The following ARHGAP45 variants were observed in gnomAD, a reference collection of about 807,000 sequenced individuals.
ARHGAP45 encodes the protein rho GTPase-activating protein 45.
In ARHGAP45, 56 loss-of-function variants were observed where a neutral mutation model predicts 116.1. That is an observed-to-expected ratio of 0.48 (90% confidence interval 0.39 to 0.60). ARHGAP45 has a LOEUF of 0.60. Among genes scored for constraint, ARHGAP45 ranks in the 20% least tolerant of loss-of-function variants. ARHGAP45 has a pLI of 0.00. For synonymous variants in ARHGAP45, 866 were observed against 701.7 expected, an observed-to-expected ratio of 1.23 and a Z score of -3.70; for missense variants, 1,622 against 1,601.0, an observed-to-expected ratio of 1.01 and a Z score of -0.22.
chr19:1,077,984 G>A lies in ARHGAP45; in HGVS notation c.1313G>A (p.Gly438Asp). 2 of 1,554,560 alleles carry A rather than the reference G, an allele frequency of 1.3e-6. No individual in the cohort carries two copies. Among genetic ancestry groups the A allele is most frequent in the Non-Finnish European group, 1.7e-6 (2 of 1,148,532 alleles). The change falls in exon 11 of 23, where the codon GGC (glycine) becomes GAC (aspartate). Residue 438 changes from glycine to aspartate, a missense_variant. Physicochemically the swap from Gly to Asp is moderately conservative, Grantham distance 94. This residue lies in a region of ARHGAP45 where 1,334 missense variants were observed against 1,263.8 expected (regional missense o/e 1.06). Transcript: ENST00000313093. ...EEQAGSAPGA[G>D]STATKTLDKR... The stretch of plus-strand genomic sequence containing the variant: ...CAGGCTGGCAGCGCGCCGGGAGCAG[G>A]CAGCACGGCCACCAAGACCCTGGAC...
chr19:1,085,488 C>G (rs1351456543), intron 22 of ARHGAP45, among the ~76,000 whole-genome samples, 172 bp from the exon 23 acceptor site: 1 of 150,282 alleles, frequency 6.7e-6, no homozygotes, highest in Non-Finnish European at 1.5e-5. Flanking sequence ...CTCCATCTGT[C>G]TGTCCCTCCC....
Position 1,080,521 on chromosome 19 carries a change from G to A in ARHGAP45, c.1886G>A (p.Ser629Asn). The A allele has an allele frequency of 6.2e-7, 1 of 1,612,974 alleles. No homozygotes were observed. The highest frequency in any genetic ancestry group is 8.5e-7 in the Non-Finnish European group (1 of 1,179,980). Residue 629 changes from serine (S) to asparagine (N), a missense_variant, in exon 15 of 23, where the codon AGT becomes AAT. Coordinates refer to ENST00000313093, the MANE Select transcript of ARHGAP45 (RefSeq NM_012292.5). ...CCGCTCTCGATCTCAGACTCGGACA[G>A]TGGGCTGGACCCCGGCCCTGGCGCA... is the stretch of plus-strand genomic sequence containing the variant. ...SWPLSISDSDSGLDPGPGAGD... is the reference protein window; with the variant it reads ...SWPLSISDSDNGLDPGPGAGD...
rs1169149834 is a variant in ARHGAP45 at position 1,086,434 on chromosome 19, G to C, written c.*428G>C. The C allele has an allele frequency of 1.1e-5, 2 of 176,856 alleles. No homozygotes were observed. The highest frequency in any genetic ancestry group is 4.8e-5 in the African/African-American group (2 of 41,976). The allele number at this position is 176,856 out of a possible 1,614,324, so 11.0% of individuals were successfully genotyped here. On this transcript the variant is annotated 3_prime_UTR_variant, in exon 23 of 23. Transcript: ENST00000313093. The stretch of plus-strand genomic sequence containing the variant: ...GAAACCATTCTGGGAGCCGTGGATG[G>C]GGGCGGAGCTGGGGTTTGGTGCAGT...
chr19:1,068,151 C>A lies in ARHGAP45; in HGVS notation c.91-263C>A, dbSNP rs1253057905. ...CCCACCCCCACCAGGAAGTGGGGAC[C>A]CCCCTCCCGCGCCTCCCCGCAGGCC... On this transcript the variant is annotated intron_variant, in intron 1 of 22. Transcript: ENST00000313093. This position sits in a 1 kb window ranked among gnomAD's most constrained non-coding sequence, Gnocchi z 7.5. 6.6e-6 allele frequency among the ~76,000 whole-genome samples: 1 copy of A among 152,070 alleles called. No homozygotes were observed. Among genetic ancestry groups the A allele is most frequent in the Non-Finnish European group, 1.5e-5 (1 of 67,980 alleles).
chr19:1,067,099 C>G, upstream of ARHGAP45: 2 of 1,000,036 alleles, frequency 2.0e-6, no homozygotes, highest in Non-Finnish European at 2.5e-6. Flanking sequence ...GCTCCGAGCT[C>G]CCGAAGGCGG....
rs1384556233 is a variant in ARHGAP45, at chr19:1,085,934, GCCC to G, written c.3343_3345del (p.Pro1115del). ...CCAACAACGTGCTGCAGGCCCCACT[GCCC>G]CCCATGAGGCTCCGTGGCGGGCGGA... On this transcript the variant is annotated inframe_deletion, in exon 23 of 23. Coordinates refer to ENST00000313093, the MANE Select transcript of ARHGAP45 (RefSeq NM_012292.5). The G allele has an allele frequency of 1.2e-6, 2 of 1,612,938 alleles. No homozygotes were observed. Among genetic ancestry groups the G allele is most frequent in the East Asian group, 4.5e-5 (2 of 44,876 alleles).
intron 11 of ARHGAP45, among the ~76,000 whole-genome samples, chr19:1,078,700 C>T (rs2043339329): frequency 6.6e-6 from 1 of 151,142 alleles, no homozygotes; most frequent in Admixed American, 6.6e-5. Context: ...TGAGCCACCG[C>T]GCCCGGCCCC....
At position 1,080,357 on chromosome 19, in the gene ARHGAP45, C is replaced by T. The variant is rs756780406; in HGVS notation, c.1806C>T (p.Gly602=). 1.2e-6 allele frequency: 2 copies of T among 1,607,268 alleles called. No individual in the cohort carries two copies. The highest frequency in any genetic ancestry group is 2.2e-5 in the East Asian group (1 of 44,862). Residue 602 remains glycine, a synonymous_variant, in exon 14 of 23, where the codon GGC becomes GGT. Coordinates refer to ENST00000313093, the MANE Select transcript of ARHGAP45 (RefSeq NM_012292.5). ...SPPEEGGCTE[G]TPAKDHRAGR... is the part of the protein sequence containing the mutation. ...CAGAAGAAGGCGGGTGCACTGAGGG[C>T]ACACCTGCCAAGGACCACAGGGGTG...
Position 1,074,887 on chromosome 19 carries a change from G to A in ARHGAP45, c.1185+8G>A. On this transcript the variant is annotated splice_region_variant and intron_variant, in intron 10 of 22. Transcript: ENST00000313093. The stretch of plus-strand genomic sequence containing the variant: ...CGTGCCCAGAGGAAGCTGGTGAGGC[G>A]GGCGGGCGGGGGCGGGCGGGGGCGG... 3.5e-6 allele frequency: 5 copies of A among 1,409,644 alleles called. No homozygotes were observed. The highest frequency in any genetic ancestry group is 3.8e-6 in the Non-Finnish European group (4 of 1,047,040). The allele number at this position is 1,409,644 out of a possible 1,614,324, so 87.3% of individuals were successfully genotyped here.
In ARHGAP45 at chr19:1,085,783, G is replaced by A. The variant is rs759764074; in HGVS notation, c.3188G>A (p.Ser1063Asn). 3 of 1,612,806 alleles carry A rather than the reference G, an allele frequency of 1.9e-6. No individual in the cohort carries two copies. The highest frequency in any genetic ancestry group is 2.2e-5 in the East Asian group (1 of 44,882). The change falls in exon 23 of 23, where the codon AGC becomes AAC. Residue 1063 changes from serine (S) to asparagine (N), a missense_variant. Transcript: ENST00000313093. ...SFLEQQQSEA[S>N]LEVASGSHSG... ...CTGGAGCAGCAGCAGAGCGAGGCCA[G>A]CCTAGAGGTGGCTTCTGGCAGCCAC...
At chr19:1,084,204 C>CG (rs2043529756) in intron 21 of ARHGAP45, 34 bp from the exon 22 acceptor site, 15 of 1,578,660 alleles carry the variant, frequency 9.5e-6, no homozygotes, top group Non-Finnish European at 1.3e-5. Context: ...AATGGAGCCC[C>CG]GGCCCCTCTA....
chr19:1,073,171 G>A lies in ARHGAP45; in HGVS notation c.444G>A (p.Pro148=), dbSNP rs779880548. ...LRDDLLEARR[P]RAHECLGEAL... is the part of the protein sequence containing the mutation. ...CAGACCTCCTTGAGGCCCGCCGCCC[G>A]CGGGCCCACGAGTGCCTGGGTGAGG... The change falls in exon 3 of 23, where the codon CCG becomes CCA. Residue 148 remains proline (P), a synonymous_variant. Transcript: ENST00000313093. 74 of 1,609,704 alleles carry A rather than the reference G, an allele frequency of 4.6e-5. No individual in the cohort carries two copies. The highest frequency in any genetic ancestry group is 6.7e-5 in the African/African-American group (5 of 74,894).
In ARHGAP45 at chr19:1,068,482, C is replaced by G. The variant is rs755161419; in HGVS notation, c.159C>G (p.Ser53=). ...PGPSLEPPAG[S]SGVKATGTLK... Reference sequence around the variant, plus strand: ...CAAGCCTGGAGCCGCCCGCTGGGTCCTCCGGCGTCAAGGCCACAGGGACCC... The same window carrying G: ...CAAGCCTGGAGCCGCCCGCTGGGTCGTCCGGCGTCAAGGCCACAGGGACCC... Residue 53 remains serine (S), a synonymous_variant, in exon 2 of 23, where the codon TCC becomes TCG. Transcript: ENST00000313093. The surrounding 1 kb of genome is among the most constrained non-coding windows in gnomAD (Gnocchi z 7.5). 1 of 1,587,272 alleles carries G rather than the reference C, an allele frequency of 6.3e-7. No individual in the cohort carries two copies. Among genetic ancestry groups the G allele is most frequent in the Non-Finnish European group, 8.6e-7 (1 of 1,167,696 alleles).
rs758987821 is a variant in ARHGAP45 at position 1,073,680 on chromosome 19, C to T, written c.657C>T (p.Ser219=). The T allele has an allele frequency of 1.1e-5, 18 of 1,606,892 alleles. No homozygotes were observed. In the Admixed American group the frequency reaches 1.5e-4, roughly 14 times the overall value. Residue 219 remains serine, a synonymous_variant, in exon 5 of 23, where the codon TCC becomes TCT. Coordinates refer to ENST00000313093, the MANE Select transcript of ARHGAP45 (RefSeq NM_012292.5). ...TIAVAFSSTV[S]EFLMGEVDSS... ...GACCTCGCTGGCCCTGCAGAGTGTC[C>T]GAGTTCCTCATGGGTGAAGTGGACA...
chr19:1,079,341 T>C (rs1243284409), intron 11 of ARHGAP45, among the ~76,000 whole-genome samples: 1 of 150,578 alleles, frequency 6.6e-6, no homozygotes, highest in Non-Finnish European at 1.5e-5. Flanking sequence ...GTATCTCTAC[T>C]AAAATTACAA....
At position 1,080,539 on chromosome 19, in the gene ARHGAP45, C is replaced by G. The variant is rs767237800; in HGVS notation, c.1904C>G (p.Pro635Arg). The G allele has an allele frequency of 1.9e-6, 3 of 1,612,880 alleles. No homozygotes were observed. In the Admixed American group the frequency reaches 5.0e-5, roughly 27 times the overall value. Residue 635 changes from proline to arginine, a missense_variant, in exon 15 of 23, where the codon CCT (proline) becomes CGT (arginine). Coordinates refer to ENST00000313093, the MANE Select transcript of ARHGAP45 (RefSeq NM_012292.5). ...SDSDSGLDPG[P>R]GAGDFKKFER... ...TCGGACAGTGGGCTGGACCCCGGCC[C>G]TGGCGCAGGTGAGGGAGGCTCTCTG...
Position 1,071,185 on chromosome 19 carries a change from C to A in ARHGAP45, c.422-1964C>A. The A allele has an allele frequency of 7.4e-7, 1 of 1,356,472 alleles. No homozygotes were observed. Among genetic ancestry groups the A allele is most frequent in the Non-Finnish European group, 9.5e-7 (1 of 1,056,554 alleles). The allele number at this position is 1,356,472 out of a possible 1,614,324, so 84.0% of individuals were successfully genotyped here. On this transcript the variant is annotated intron_variant, in intron 2 of 22. Transcript: ENST00000313093. This position sits in a 1 kb window ranked among gnomAD's most constrained non-coding sequence, Gnocchi z 4.6. The stretch of plus-strand genomic sequence containing the variant: ...CAGGGCGGGGTTTCCCTCGCGGGGG[C>A]GGGGCCTCCTGACCGGCCGGAGCCG...
At position 1,083,109 on chromosome 19, in the gene ARHGAP45, G is replaced by A. The variant is rs1397232811; in HGVS notation, c.2745-34G>A. On this transcript the variant is annotated intron_variant, in intron 20 of 22. Transcript: ENST00000313093. ...GAGTGGAGGGCGCGGGGTCCCGGGA[G>A]CCGCTCAGCACCTGGCCCCTGCCCA... is the stretch of plus-strand genomic sequence containing the variant. 1.9e-6 allele frequency: 3 copies of A among 1,578,104 alleles called. No individual in the cohort carries two copies. The East Asian group carries it at 6.9e-5, about 37-fold the overall frequency.
chr19:1,070,777 C>G lies in ARHGAP45; in HGVS notation c.421+2033C>G, dbSNP rs1266156939. On this transcript the variant is annotated intron_variant, in intron 2 of 22. Transcript: ENST00000313093. The stretch of plus-strand genomic sequence containing the variant: ...GGGATAACAGGCCTGATCCACCGCG[C>G]CCGGCTGGGGGCGCCTTCTGTGCGT... Among the ~76,000 whole-genome samples the G allele has an allele frequency of 2.0e-5, 3 of 152,182 alleles. No homozygotes were observed. The South Asian group carries it at 6.2e-4, about 31-fold the overall frequency.
Sources: gnomAD v4.1 joint callset for allele counts (sites outside exome capture counted in the v4.1 genomes callset) on GRCh38, gnomAD v4.1.1 for gene constraint, gnomAD v4.1.1 regional missense constraint, Gnocchi (gnomAD v3.1) non-coding constraint, MANE v1.5 for transcripts, NCBI Gene and HGNC (gene_info 2026-07-23, HGNC 2026-07-21) for gene names.